Variants in CD2AP observed in about 807,000 individuals in gnomAD.
CD2AP encodes CD2 associated protein.
In CD2AP, 46 loss-of-function variants were observed where a neutral mutation model predicts 85.1. That is an observed-to-expected ratio of 0.54 (90% confidence interval 0.43 to 0.69). The LOEUF (loss-of-function observed/expected upper bound fraction) is 0.69, where lower values mean the gene tolerates loss of function less well. Among genes scored for constraint, CD2AP ranks in the 30% least tolerant of loss-of-function variants. CD2AP has a pLI of 0.00. For missense variants in CD2AP, 769 were observed against 729.5 expected (o/e 1.05, Z -0.62); for synonymous variants, 255 against 252.9 (o/e 1.01, Z -0.08).
intron 2 of CD2AP, among the ~76,000 whole-genome samples, chr6:47,523,562 T>G (rs1473021859): frequency 2.0e-5 from 3 of 152,172 alleles, no homozygotes; most frequent in African/African-American, 7.2e-5. Flanking sequence ...TTATTGATGA[T>G]ACATCATAGT....
In CD2AP at chr6:47,566,278, TTGTC is replaced by T. The variant is rs1460532699; in HGVS notation, c.542-7780_542-7777del. 1.2e-4 allele frequency among the ~76,000 whole-genome samples: 16 copies of T among 133,998 alleles called. 1 individual carries two copies. The highest frequency in any genetic ancestry group is 3.6e-4 in the African/African-American group (14 of 38,868). 87.9% of individuals were successfully genotyped at this position (133,998 alleles called of 152,430 possible). A position where few individuals can be genotyped will look rare whatever the true frequency, so the allele number is the denominator to read the frequency against. On this transcript the variant is annotated intron_variant, in intron 5 of 17. Transcript: ENST00000359314. ...TTGTTGCTATTGCTTATTAAGCTTA[TTGTC>T]TGTCTACCTGCTCATTAGAATATAT... is the stretch of plus-strand genomic sequence containing the variant.
chr6:47,564,844 A>G lies in CD2AP; in HGVS notation c.542-9220A>G, dbSNP rs184516894. ...TAGCTGTTAGAAAAATTATAGTAGA[A>G]TGTACATTATATAAGTGTTTTCTTT... is the stretch of plus-strand genomic sequence containing the variant. On this transcript the variant is annotated intron_variant, in intron 5 of 17. Transcript: ENST00000359314. Among the ~76,000 whole-genome samples, 6 of 123,916 alleles carry G rather than the reference A, an allele frequency of 4.8e-5. No homozygotes were observed. In the East Asian group the frequency reaches 1.4e-3, roughly 29 times the overall value. The allele number at this position is 123,916 out of a possible 152,430, so 81.3% of individuals were successfully genotyped here.
At chr6:47,489,949 C>T (rs1434072873) in intron 1 of CD2AP, among the ~76,000 whole-genome samples, 1 of 143,966 alleles carries the variant, frequency 6.9e-6, no homozygotes, top group Non-Finnish European at 1.5e-5. Context: ...GTTTGAGTAA[C>T]TATTTTCTCT....
At chr6:47,617,301 C>T (rs1769619134) in intron 17 of CD2AP, among the ~76,000 whole-genome samples, 1 of 152,110 alleles carries the variant, frequency 6.6e-6, no homozygotes. Flanking sequence ...TGTAAATATT[C>T]CTTCACTGGT....
At chr6:47,508,553 T>G (rs549416960) in intron 2 of CD2AP, among the ~76,000 whole-genome samples, 9 of 148,524 alleles carry the variant, frequency 6.1e-5, no homozygotes, top group Admixed American at 2.0e-4. Context: ...TTTGTTTTTT[T>G]TTTTTTTTTT....
chr6:47,520,290 C>A (rs555424517), intron 2 of CD2AP, among the ~76,000 whole-genome samples: 1 of 152,062 alleles, frequency 6.6e-6, no homozygotes, highest in Non-Finnish European at 1.5e-5. Flanking sequence ...TTATAACAGT[C>A]AATATTGGTT....
Position 47,625,301 on chromosome 6 carries a change from A to G in CD2AP, c.*1074A>G, listed in dbSNP as rs2114170841. 2 of 152,076 alleles carry G rather than the reference A, an allele frequency of 1.3e-5. No individual in the cohort carries two copies. The highest frequency in any genetic ancestry group is 6.8e-3 in the Middle Eastern group (2 of 294). The allele number at this position is 152,076 out of a possible 1,614,324, so 9.4% of individuals were successfully genotyped here. On this transcript the variant is annotated 3_prime_UTR_variant, in exon 18 of 18. Transcript: ENST00000359314. ...AGGTTTTACGATGTATAATTTACCTAATAGACCAAACTAACTCATGGAGAT... is the reference window on the plus strand; with the variant it reads ...AGGTTTTACGATGTATAATTTACCTGATAGACCAAACTAACTCATGGAGAT...
At chr6:47,569,433 T>G (rs891478313) in intron 5 of CD2AP, among the ~76,000 whole-genome samples, 5 of 151,938 alleles carry the variant, frequency 3.3e-5, no homozygotes, top group Non-Finnish European at 7.4e-5. Flanking sequence ...AGGAGTAATG[T>G]TACGAATAAG....
At chr6:47,575,856 T>C (rs1768293892) in intron 6 of CD2AP, among the ~76,000 whole-genome samples, 1 of 152,146 alleles carries the variant, frequency 6.6e-6, no homozygotes, top group Non-Finnish European at 1.5e-5. Flanking sequence ...TTTTCTCCTC[T>C]TTCATTTTAA....
intron 2 of CD2AP, among the ~76,000 whole-genome samples, chr6:47,532,445 T>C (rs763824742): frequency 7.9e-5 from 12 of 151,184 alleles, no homozygotes; most frequent in African/African-American, 2.2e-4. Context: ...CAAGTTAAAA[T>C]TGTTAATTTT....
chr6:47,596,513 G>T (rs190876146), intron 12 of CD2AP, among the ~76,000 whole-genome samples: 229 of 152,204 alleles, frequency 1.5e-3, no homozygotes, highest in Middle Eastern at 0.01. Flanking sequence ...TGGAGAACAT[G>T]TGGTATTTGT....
intron 11 of CD2AP, among the ~76,000 whole-genome samples, chr6:47,586,627 A>G (rs1009004930): frequency 1.3e-5 from 2 of 152,344 alleles, no homozygotes; most frequent in Non-Finnish European, 1.5e-5. Flanking sequence ...ACCTTTTGAG[A>G]CAAAATCTCA....
intron 2 of CD2AP, among the ~76,000 whole-genome samples, chr6:47,528,578 T>C (rs1766787864): frequency 6.6e-6 from 1 of 152,234 alleles, no homozygotes; most frequent in South Asian, 2.1e-4. Context: ...CAGTTGTAAA[T>C]AGTAGTTTAT....
At chr6:47,581,644 T>C (rs934748947) in intron 10 of CD2AP, among the ~76,000 whole-genome samples, 16 of 152,176 alleles carry the variant, frequency 1.1e-4, no homozygotes, top group Non-Finnish European at 2.2e-4. Context: ...TTAAATAAAA[T>C]TTAAAAATTC....
intron 10 of CD2AP, 136 bp from the exon 11 acceptor site, chr6:47,581,867 C>T (rs761064199): frequency 8.7e-5 from 56 of 643,790 alleles, no homozygotes; most frequent in Non-Finnish European, 1.3e-4. Context: ...CTGGTAATTC[C>T]GGTACATTGT....
intron 1 of CD2AP, among the ~76,000 whole-genome samples, chr6:47,498,641 C>T (rs1765928133): frequency 6.6e-6 from 1 of 152,062 alleles, no homozygotes; most frequent in African/African-American, 2.4e-5. Flanking sequence ...ATCTCTGCCT[C>T]TTCAAAAAAC....
chr6:47,602,506 A>G (rs1194043069), intron 13 of CD2AP, among the ~76,000 whole-genome samples: 6 of 151,968 alleles, frequency 3.9e-5, no homozygotes, highest in Non-Finnish European at 8.8e-5. Context: ...TTATAGTAAC[A>G]TAGCTGTTAT....
intron 3 of CD2AP, among the ~76,000 whole-genome samples, chr6:47,539,968 C>T (rs1480354742): frequency 1.3e-5 from 2 of 150,404 alleles, no homozygotes; most frequent in East Asian, 1.9e-4. Flanking sequence ...CACTTGAGCC[C>T]AGGAGTTCAG....
At chr6:47,508,534 C>CTTTTTTTT (rs374284567) in intron 2 of CD2AP, among the ~76,000 whole-genome samples, 2 of 129,398 alleles carry the variant, frequency 1.5e-5, no homozygotes, top group African/African-American at 2.9e-5. Context: ...TTCTTTCTTT[C>CTTTTTTTT]TTTTTTTTTT....
Sources: allele counts gnomAD v4.1 joint callset (sites outside exome capture counted in the v4.1 genomes callset), GRCh38; gene constraint gnomAD v4.1.1; transcripts MANE v1.5; gene names NCBI Gene and HGNC (gene_info 2026-07-23, HGNC 2026-07-21).